The following ZFP2 variants were observed in gnomAD, a reference collection of about 807,000 sequenced individuals.
ZFP2 encodes zinc finger protein ZFP2.
In ZFP2, 33 loss-of-function variants were observed where a neutral mutation model predicts 36.1. The observed-to-expected ratio is 0.92, with a 90% CI of 0.69 to 1.22. The LOEUF is 1.22. ZFP2 is among the 50% of genes most tolerant of loss of function. The probability of loss-of-function intolerance (pLI) is 0.00; values close to 1 mark genes in which losing one functional copy is unlikely to be tolerated. For synonymous variants in ZFP2, 170 were observed against 178.0 expected, an observed-to-expected ratio of 0.96 and a Z score of 0.36; for missense variants, 522 against 551.4, an observed-to-expected ratio of 0.95 and a Z score of 0.53.
chr5:178,921,773 T>G (rs1434168595), intron 4 of ZFP2, among the ~76,000 whole-genome samples: 1 of 149,020 alleles, frequency 6.7e-6, no homozygotes, highest in Non-Finnish European at 1.5e-5. Flanking sequence ...CAGTGGTACT[T>G]TGGATTTTGG....
intron 4 of ZFP2, among the ~76,000 whole-genome samples, chr5:178,925,040 C>T (rs1758637332): frequency 6.9e-6 from 1 of 145,570 alleles, no homozygotes; most frequent in Admixed American, 6.9e-5. Flanking sequence ...ATACTATTGC[C>T]ATTTATCATT....
In ZFP2 at chr5:178,899,352, A is replaced by G. The variant is rs182239748; in HGVS notation, c.-450+3378A>G. On this transcript the variant is annotated intron_variant, in intron 1 of 4. Transcript: ENST00000361362. ...ATAGCTACTTCATAGGTCTGTTGAA[A>G]GTTCAAATAAAATAATAAAAGTAAA... Among the ~76,000 whole-genome samples the G allele has an allele frequency of 2.6e-3, 395 of 152,306 alleles. 1 individual carries two copies. The highest frequency in any genetic ancestry group is 4.2e-3 in the Non-Finnish European group (285 of 68,040).
At chr5:178,923,594 CTG>C (rs923834887) in intron 4 of ZFP2, among the ~76,000 whole-genome samples, 3 of 149,360 alleles carry the variant, frequency 2.0e-5, no homozygotes, top group African/African-American at 7.3e-5. Context: ...ATATTTAAGA[CTG>C]TGTTTTGCCT....
intron 1 of ZFP2, among the ~76,000 whole-genome samples, chr5:178,898,630 G>A (rs919455932): frequency 2.6e-5 from 4 of 152,226 alleles, no homozygotes; most frequent in African/African-American, 9.6e-5. Context: ...CCACAGGAAG[G>A]AAGGAGAAGG....
At chr5:178,904,069 G>T (rs1758117547) in intron 1 of ZFP2, among the ~76,000 whole-genome samples, 1 of 152,100 alleles carries the variant, frequency 6.6e-6, no homozygotes, top group African/African-American at 2.4e-5. Context: ...TTTTCTATTA[G>T]TTTTATAATT....
intron 4 of ZFP2, among the ~76,000 whole-genome samples, chr5:178,927,283 C>T (rs1758696153): frequency 1.3e-5 from 2 of 152,148 alleles, no homozygotes; most frequent in Admixed American, 1.3e-4. Flanking sequence ...TGTCTTACCC[C>T]TGTGAATAAA....
intron 4 of ZFP2, among the ~76,000 whole-genome samples, chr5:178,929,576 C>T (rs1175972970): frequency 1.3e-5 from 2 of 152,182 alleles, no homozygotes; most frequent in African/African-American, 2.4e-5. Flanking sequence ...CTGCAGTTCC[C>T]AGTAAGTTCC....
chr5:178,899,592 T>G (rs1758004676), intron 1 of ZFP2, among the ~76,000 whole-genome samples: 1 of 152,002 alleles, frequency 6.6e-6, no homozygotes, highest in African/African-American at 2.4e-5. Flanking sequence ...TTTGGCAGGG[T>G]GGTGGCCATG....
At chr5:178,919,541 C>G (rs1758510045) in intron 4 of ZFP2, among the ~76,000 whole-genome samples, 1 of 152,190 alleles carries the variant, frequency 6.6e-6, no homozygotes, top group South Asian at 2.1e-4. Context: ...AATAATTAAT[C>G]CACTTCCTTC....
intron 1 of ZFP2, among the ~76,000 whole-genome samples, chr5:178,908,132 C>G (rs1296499842): frequency 1.3e-5 from 2 of 152,122 alleles, no homozygotes; most frequent in Non-Finnish European, 2.9e-5. Flanking sequence ...CACTCCTATT[C>G]AAATCTGTGT....
intron 1 of ZFP2, among the ~76,000 whole-genome samples, chr5:178,901,388 TCA>T (rs1343913309): frequency 6.6e-6 from 1 of 152,230 alleles, no homozygotes; most frequent in Non-Finnish European, 1.5e-5. Flanking sequence ...ATTTATTGTC[TCA>T]CAGTTTTGGA....
chr5:178,896,898 G>GA (rs1419388119), intron 1 of ZFP2, among the ~76,000 whole-genome samples: 1 of 151,978 alleles, frequency 6.6e-6, no homozygotes, highest in Non-Finnish European at 1.5e-5. Flanking sequence ...GAATACATCT[G>GA]AAAAAAACAT....
At chr5:178,910,512 G>A (rs1758272586) in intron 1 of ZFP2, 8 of 589,664 alleles carry the variant, frequency 1.4e-5, no homozygotes, top group Admixed American at 6.6e-5. Flanking sequence ...CCTGCACCCT[G>A]CCTGCTGTGT....
intron 4 of ZFP2, among the ~76,000 whole-genome samples, chr5:178,921,631 C>T (rs1284427457): frequency 6.7e-6 from 1 of 149,692 alleles, no homozygotes; most frequent in South Asian, 2.1e-4. Flanking sequence ...TTTTCCTGCT[C>T]CATGAACCGG....
In ZFP2 at chr5:178,932,242, G is replaced by T; in HGVS notation, c.929G>T (p.Ser310Ile). The T allele has an allele frequency of 1.2e-6, 2 of 1,614,138 alleles. No homozygotes were observed. The highest frequency in any genetic ancestry group is 1.7e-6 in the Non-Finnish European group (2 of 1,180,022). Residue 310 changes from serine to isoleucine, a missense_variant, in exon 5 of 5, where the codon AGT becomes ATT. Coordinates refer to ENST00000361362, the MANE Select transcript of ZFP2 (RefSeq NM_030613.4). ...AAATGCGGGAAATCCTTTAGCCAAAGTACATATCTTATAGAACATCAGAGA... is the reference window on the plus strand; with the variant it reads ...AAATGCGGGAAATCCTTTAGCCAAATTACATATCTTATAGAACATCAGAGA... ...CNKCGKSFSQ[S>I]TYLIEHQRLH...
chr5:178,909,653 A>G (rs1263656092), intron 1 of ZFP2: 1 of 1,437,828 alleles, frequency 7.0e-7, no homozygotes, highest in Non-Finnish European at 9.2e-7. Flanking sequence ...CCAATTCCTC[A>G]GTTGGCTGCA....
intron 4 of ZFP2, among the ~76,000 whole-genome samples, chr5:178,930,676 C>T (rs1288214105): frequency 1.3e-5 from 2 of 152,122 alleles, no homozygotes; most frequent in Non-Finnish European, 2.9e-5. Flanking sequence ...GCCAGTGAGA[C>T]AAGTAACTAG....
chr5:178,930,853 T>C (rs1490043124), intron 4 of ZFP2, among the ~76,000 whole-genome samples: 2 of 152,164 alleles, frequency 1.3e-5, no homozygotes, highest in Non-Finnish European at 1.5e-5. Context: ...CCAGGTACAG[T>C]GTGCAGGGTT....
chr5:178,927,663 ATG>A (rs33974182), intron 4 of ZFP2, among the ~76,000 whole-genome samples: 11,865 of 91,916 alleles, frequency 0.13, 555 homozygotes, highest in Middle Eastern at 0.21. Flanking sequence ...TACCTGGCCA[ATG>A]TGTGTGTGTG....
Sources: gnomAD v4.1 joint callset for allele counts (sites outside exome capture counted in the v4.1 genomes callset) on GRCh38, gnomAD v4.1.1 for gene constraint, MANE v1.5 for transcripts, NCBI Gene and HGNC (gene_info 2026-07-23, HGNC 2026-07-21) for gene names.